The following DOCK2 variants were observed in gnomAD, a reference collection of about 807,000 sequenced individuals.
DOCK2 encodes the protein dedicator of cytokinesis protein 2.
Under a neutral mutation model 248.9 loss-of-function variants are expected in DOCK2, and 87 were observed. The ratio of observed to expected loss-of-function variants is 0.35; its 90% CI spans 0.29 to 0.42. DOCK2 has a LOEUF of 0.42. DOCK2 is among the 10% of genes least tolerant of loss of function. The pLI is 1.00. For synonymous variants in DOCK2, 805 were observed against 821.6 expected, an observed-to-expected ratio of 0.98 and a Z score of 0.35; for missense variants, 1,747 against 2,300.2, an observed-to-expected ratio of 0.76 and a Z score of 4.92.
chr5:169,769,473 C>CA (rs1764968014), intron 25 of DOCK2, among the ~76,000 whole-genome samples: 1 of 152,192 alleles, frequency 6.6e-6, no homozygotes, highest in Non-Finnish European at 1.5e-5. Context: ...GAATGGCTGC[C>CA]AGGGTACCTG....
chr5:169,818,625 G>T (rs1034074777), intron 26 of DOCK2, among the ~76,000 whole-genome samples: 2 of 152,028 alleles, frequency 1.3e-5, no homozygotes, highest in African/African-American at 4.8e-5. Flanking sequence ...ATTAATTAAT[G>T]ATGTCTCTTT....
intron 27 of DOCK2, among the ~76,000 whole-genome samples, chr5:169,908,055 C>G (rs1489331374): frequency 6.6e-6 from 1 of 152,180 alleles, no homozygotes; most frequent in Non-Finnish European, 1.5e-5. Flanking sequence ...CAATTTAGAT[C>G]AAGCCATCCC....
intron 27 of DOCK2, chr5:169,883,284 T>C (rs764752068): frequency 1.9e-6 from 3 of 1,551,658 alleles, no homozygotes; most frequent in Middle Eastern, 3.3e-4. Flanking sequence ...AAATATCATC[T>C]GGAACCTGAA....
At chr5:169,964,725 G>A (rs570003201) in intron 27 of DOCK2, among the ~76,000 whole-genome samples, 2 of 152,232 alleles carry the variant, frequency 1.3e-5, no homozygotes, top group Non-Finnish European at 2.9e-5. Context: ...TTGGTGCCAT[G>A]TAGTAGCTGA....
chr5:169,972,583 A>G (rs1226002755), intron 27 of DOCK2, among the ~76,000 whole-genome samples: 1 of 47,732 alleles, frequency 2.1e-5, no homozygotes, highest in Admixed American at 2.4e-4. Context: ...ATAGATAGAT[A>G]GATGATAGAT....
rs376280359 is a variant in DOCK2 at position 170,081,899 on chromosome 5, G to A, written c.5345G>A (p.Arg1782His). ...PGLDEANTSP[R>H]LSQTFLQLSD... is the part of the protein sequence containing the mutation. ...TTGGATGAGGCCAACACATCTCCCC[G>A]CCTCAGCCAGACCTTCCTCCAACTC... is the stretch of plus-strand genomic sequence containing the variant. Residue 1782 changes from arginine (R) to histidine (H), a missense_variant, in exon 51 of 52, where the codon CGC (arginine) becomes CAC (histidine). Arg to His is a conservative substitution (Grantham distance 29). Coordinates refer to ENST00000520908, the MANE Select transcript of DOCK2 (RefSeq NM_004946.3). 1.7e-5 allele frequency: 28 copies of A among 1,613,806 alleles called. No individual in the cohort carries two copies. The highest frequency in any genetic ancestry group is 6.7e-5 in the Admixed American group (4 of 59,976).
chr5:169,883,647 G>A (rs1234187186), intron 27 of DOCK2: 2 of 1,551,256 alleles, frequency 1.3e-6, no homozygotes, highest in Non-Finnish European at 1.7e-6. Flanking sequence ...TCTGGGACCT[G>A]GGGAAGGAGA....
Position 169,977,735 on chromosome 5 carries a change from G to A in DOCK2, c.2800-5333G>A, listed in dbSNP as rs145901862. On this transcript the variant is annotated intron_variant, in intron 27 of 51. Transcript: ENST00000520908. ...TGCCTCGCACCTAGCACAGAGCCCA[G>A]AACGCAAGGACAGACAGCACACCTT... 5.9e-5 allele frequency among the ~76,000 whole-genome samples: 9 copies of A among 152,270 alleles called. No individual in the cohort carries two copies. The East Asian group carries it at 1.2e-3, about 20-fold the overall frequency.
In DOCK2 at chr5:169,639,939, A is replaced by G. The variant is rs528028213; in HGVS notation, c.43+2570A>G. Among the ~76,000 whole-genome samples, 3 of 152,314 alleles carry G rather than the reference A, an allele frequency of 2.0e-5. No individual in the cohort carries two copies. The East Asian group carries it at 5.8e-4, about 29-fold the overall frequency. ...ATTTTCTCACAGTTCTCGAGGCTGGAAGTCTAAGATCAAAGCACCACCAGG... is the reference window on the plus strand; with the variant it reads ...ATTTTCTCACAGTTCTCGAGGCTGGGAGTCTAAGATCAAAGCACCACCAGG... On this transcript the variant is annotated intron_variant, in intron 1 of 51. Transcript: ENST00000520908.
Position 170,079,325 on chromosome 5 carries a change from AGCTGGGGTG to A in DOCK2, c.5166+186_5166+194del, listed in dbSNP as rs1757945851. The A allele has an allele frequency of 3.6e-6, 3 of 826,286 alleles. No individual in the cohort carries two copies. The African/African-American group carries it at 5.2e-5, about 14-fold the overall frequency. The allele number at this position is 826,286 out of a possible 1,614,324, so 51.2% of individuals were successfully genotyped here. ...GTGAAGTGCTTACTCGTGCCCAGGC[AGCTGGGGTG>A]GCTGGGACATGACAGAGCTGGGAGT... On this transcript the variant is annotated intron_variant, in intron 49 of 51. Transcript: ENST00000520908.
chr5:169,857,978 A>G (rs950990640), intron 27 of DOCK2, among the ~76,000 whole-genome samples: 1 of 152,112 alleles, frequency 6.6e-6, no homozygotes, highest in Non-Finnish European at 1.5e-5. Flanking sequence ...GGATAGAGAG[A>G]ATTGTTTCTT....
chr5:169,784,584 A>G (rs1218548612), intron 25 of DOCK2, among the ~76,000 whole-genome samples: 2 of 152,226 alleles, frequency 1.3e-5, no homozygotes, highest in Non-Finnish European at 2.9e-5. Context: ...CATTCATTCA[A>G]TTCCTTTTCA....
At chr5:170,081,578 A>G in intron 50 of DOCK2, 1 of 466,512 alleles carries the variant, frequency 2.1e-6, no homozygotes, top group Middle Eastern at 5.6e-4. Context: ...TTTCCTGGGG[A>G]TGTCAGGGCT....
chr5:170,066,858 G>T (rs890987196), intron 44 of DOCK2, among the ~76,000 whole-genome samples: 5 of 152,108 alleles, frequency 3.3e-5, no homozygotes, highest in African/African-American at 1.2e-4. Flanking sequence ...ACACCATCTG[G>T]CCTGCAAATC....
At chr5:169,847,860 T>G (rs1354865831) in intron 27 of DOCK2, among the ~76,000 whole-genome samples, 6 of 152,236 alleles carry the variant, frequency 3.9e-5, no homozygotes. Context: ...GCAAGATACT[T>G]GCAAATATTA....
intron 43 of DOCK2, 121 bp from the exon 44 acceptor site, chr5:170,057,459 C>T (rs1172665424): frequency 1.3e-6 from 1 of 786,146 alleles, no homozygotes; most frequent in Non-Finnish European, 2.2e-6. Context: ...ATTTATTCTG[C>T]TTTCGGGTAG....
chr5:170,068,409 A>G lies in DOCK2; in HGVS notation c.4644+723A>G, dbSNP rs144458461. 2.0e-3 allele frequency among the ~76,000 whole-genome samples: 301 copies of G among 152,334 alleles called. 1 individual carries two copies. Among genetic ancestry groups the G allele is most frequent in the African/African-American group, 6.6e-3 (275 of 41,576 alleles). ...GAAAAATGAACTCCTCATTCTAACA[A>G]ATCTTTTGATGAATTCCCTATTATC... On this transcript the variant is annotated intron_variant, in intron 45 of 51. Coordinates refer to ENST00000520908, the MANE Select transcript of DOCK2 (RefSeq NM_004946.3).
intron 32 of DOCK2, among the ~76,000 whole-genome samples, chr5:170,009,218 G>A (rs553861610): frequency 6.6e-6 from 1 of 152,202 alleles, no homozygotes; most frequent in Non-Finnish European, 1.5e-5. Flanking sequence ...GCCTCAGGGA[G>A]CTTCAGGAAT....
chr5:169,800,261 TC>T (rs1766884815), intron 25 of DOCK2, among the ~76,000 whole-genome samples: 2 of 152,200 alleles, frequency 1.3e-5, no homozygotes, highest in African/African-American at 4.8e-5. Flanking sequence ...TAAGAACACT[TC>T]TTTTAAGTGT....
Sources: allele counts gnomAD v4.1 joint callset (sites outside exome capture counted in the v4.1 genomes callset), GRCh38; gene constraint gnomAD v4.1.1; transcripts MANE v1.5; gene names NCBI Gene and HGNC (gene_info 2026-07-23, HGNC 2026-07-21).